The following TENM4 variants were observed in gnomAD, a reference collection of about 807,000 sequenced individuals.
TENM4 encodes the protein teneurin-4.
TENM4 carries 82 observed loss-of-function variants against 243.3 expected under a neutral mutation model. The ratio of observed to expected loss-of-function variants is 0.34; its 90% confidence interval spans 0.28 to 0.40. The LOEUF (loss-of-function observed/expected upper bound fraction) is 0.40. Among genes scored for constraint, TENM4 ranks in the 10% least tolerant of loss-of-function variants. The pLI, the probability that TENM4 is intolerant of heterozygous loss-of-function variation, is 1.00. For missense variants in TENM4, 3,138 were observed against 3,673.3 expected, an observed-to-expected ratio of 0.85 and a Z score of 3.77; for synonymous variants, 1,412 against 1,456.3, an observed-to-expected ratio of 0.97 and a Z score of 0.69.
intron 16 of TENM4, among the ~76,000 whole-genome samples, chr11:78,782,784 A>AC (rs889084108): frequency 6.6e-6 from 1 of 151,354 alleles, no homozygotes; most frequent in African/African-American, 2.4e-5. Flanking sequence ...AAAAAAAAAA[A>AC]ACTGGACAAA....
At chr11:79,356,121 G>C (rs1466948355) in intron 1 of TENM4, among the ~76,000 whole-genome samples, 1 of 152,168 alleles carries the variant, frequency 6.6e-6, no homozygotes, top group Non-Finnish European at 1.5e-5. Context: ...TGAATGCAAG[G>C]TGTAGGTGCC....
intron 2 of TENM4, among the ~76,000 whole-genome samples, chr11:79,292,170 A>C (rs745811645): frequency 2.8e-4 from 43 of 152,204 alleles, no homozygotes; most frequent in Non-Finnish European, 5.9e-4. Context: ...GAAGCTCCAC[A>C]TGATGAAACA....
intron 2 of TENM4, among the ~76,000 whole-genome samples, chr11:79,293,297 G>C (rs541780747): frequency 1.3e-3 from 197 of 152,080 alleles, no homozygotes; most frequent in Non-Finnish European, 2.3e-3. Context: ...AAAGTAGGAT[G>C]GGCACGGTGG....
intron 28 of TENM4, among the ~76,000 whole-genome samples, chr11:78,690,233 G>T (rs1858786479): frequency 6.6e-6 from 1 of 152,142 alleles, no homozygotes; most frequent in South Asian, 2.1e-4. Flanking sequence ...AGGAAGGAGG[G>T]TGTCTTGGAG....
At chr11:79,105,425 A>T (rs1170452694) in intron 4 of TENM4, among the ~76,000 whole-genome samples, 1 of 152,118 alleles carries the variant, frequency 6.6e-6, no homozygotes. Flanking sequence ...TTCAAATCCA[A>T]TTCTCCCCAG....
intron 1 of TENM4, among the ~76,000 whole-genome samples, chr11:79,353,532 C>A (rs1400634760): frequency 1.3e-5 from 2 of 152,180 alleles, no homozygotes; most frequent in Non-Finnish European, 2.9e-5. Flanking sequence ...TGTCACCCCA[C>A]AAACATGCCA....
chr11:78,828,382 C>A (rs1857905512), intron 12 of TENM4, among the ~76,000 whole-genome samples: 1 of 152,154 alleles, frequency 6.6e-6, no homozygotes, highest in Non-Finnish European at 1.5e-5. Context: ...TTTTCTCTAG[C>A]AAGAGCTGCC....
At chr11:79,391,961 G>GAA (rs35653914) in intron 1 of TENM4, among the ~76,000 whole-genome samples, 40 of 151,254 alleles carry the variant, frequency 2.6e-4, no homozygotes, top group African/African-American at 7.3e-4. Context: ...ATTTCCCTTT[G>GAA]AAAAAAAAAT....
chr11:79,162,242 C>T lies in TENM4; in HGVS notation c.-162-13436G>A, dbSNP rs138014712. Among the ~76,000 whole-genome samples the T allele has an allele frequency of 1.1e-4, 16 of 152,324 alleles. No individual in the cohort carries two copies. In the East Asian group the frequency reaches 3.1e-3, roughly 29 times the overall value. On this transcript the variant is annotated intron_variant, in intron 3 of 33. Coordinates refer to ENST00000278550, the MANE Select transcript of TENM4 (RefSeq NM_001098816.3). Reference sequence around the variant, plus strand: ...AAGCCAGACCACCTGGCATTAAATCCTAGTCTTCCAGTTACTAGTTCTGTG... The same window carrying T: ...AAGCCAGACCACCTGGCATTAAATCTTAGTCTTCCAGTTACTAGTTCTGTG...
intron 6 of TENM4, among the ~76,000 whole-genome samples, chr11:78,937,274 A>C (rs776023791): frequency 6.6e-6 from 1 of 152,144 alleles, no homozygotes; most frequent in Admixed American, 6.5e-5. Context: ...AGGATATAGA[A>C]AGAGAGATCG....
At chr11:79,092,034 G>A (rs896854159) in intron 4 of TENM4, among the ~76,000 whole-genome samples, 1 of 152,140 alleles carries the variant, frequency 6.6e-6, no homozygotes, top group Non-Finnish European at 1.5e-5. Flanking sequence ...CCTGGATTCT[G>A]TTGGAGAGCT....
At chr11:79,009,024 T>C (rs536984292) in intron 6 of TENM4, among the ~76,000 whole-genome samples, 1 of 152,278 alleles carries the variant, frequency 6.6e-6, no homozygotes, top group East Asian at 1.9e-4. Flanking sequence ...AGGTGAACAT[T>C]TTGCTCATTT....
intron 3 of TENM4, among the ~76,000 whole-genome samples, chr11:79,150,560 G>A (rs907316108): frequency 9.2e-5 from 14 of 152,088 alleles, no homozygotes; most frequent in Non-Finnish European, 1.8e-4. Flanking sequence ...TTCACAAATC[G>A]TTGCCTTGTG....
At chr11:78,758,191 G>A (rs1590999586) in intron 18 of TENM4, among the ~76,000 whole-genome samples, 2 of 152,176 alleles carry the variant, frequency 1.3e-5, no homozygotes, top group Admixed American at 6.5e-5. Context: ...GCTCTGCTGC[G>A]TCTCAGCTGT....
At chr11:79,138,331 T>TATATATATATATATATATATATATATATA (rs1555015535) in intron 4 of TENM4, among the ~76,000 whole-genome samples, 5 of 76,126 alleles carry the variant, frequency 6.6e-5, no homozygotes, top group East Asian at 5.7e-4. Context: ...ATATATATAT[T>TATATATATATATATATATATATATATATA]ATATATATAA....
At chr11:79,335,358 T>C (rs1446122184) in intron 1 of TENM4, among the ~76,000 whole-genome samples, 3 of 152,214 alleles carry the variant, frequency 2.0e-5, no homozygotes, top group East Asian at 3.8e-4. Context: ...TCAAAATAGA[T>C]GCCATCCTGC....
Position 78,756,786 on chromosome 11 carries a change from C to G in TENM4, c.2756+19G>C. ...CTCCCTCAGAGAGCCCTGGCTGGAGCTGGGGCCCTCGGACTCACCCTCCAT... is the reference window on the plus strand; with the variant it reads ...CTCCCTCAGAGAGCCCTGGCTGGAGGTGGGGCCCTCGGACTCACCCTCCAT... On this transcript the variant is annotated intron_variant, in intron 19 of 33. Transcript: ENST00000278550. 1 of 1,604,814 alleles carries G rather than the reference C, an allele frequency of 6.2e-7. No homozygotes were observed. Among genetic ancestry groups the G allele is most frequent in the South Asian group, 1.1e-5 (1 of 89,192 alleles).
At chr11:79,184,391 G>T (rs2135147270) in intron 3 of TENM4, among the ~76,000 whole-genome samples, 1 of 152,190 alleles carries the variant, frequency 6.6e-6, no homozygotes, top group South Asian at 2.1e-4. Context: ...TAACAATAGG[G>T]TTCGCACTCT....
chr11:78,764,705 C>T (rs1338679583), intron 18 of TENM4, among the ~76,000 whole-genome samples: 1 of 152,114 alleles, frequency 6.6e-6, no homozygotes, highest in African/African-American at 2.4e-5. Flanking sequence ...ATGTGGCTGG[C>T]AGGACCTGTG....
Sources: allele counts gnomAD v4.1 joint callset (sites outside exome capture counted in the v4.1 genomes callset), GRCh38; gene constraint gnomAD v4.1.1; transcripts MANE v1.5; gene names NCBI Gene and HGNC (gene_info 2026-07-23, HGNC 2026-07-21).